The following GRIN2B variants were observed in gnomAD, a reference collection of about 807,000 sequenced individuals.
The protein encoded by GRIN2B is glutamate receptor ionotropic, NMDA 2B.
Under a neutral mutation model 114.5 loss-of-function variants are expected in GRIN2B, and 5 were observed. The observed-to-expected ratio is 0.04, with a 90% confidence interval of 0.02 to 0.09. The LOEUF is 0.09. Among genes scored for constraint, GRIN2B ranks in the 10% least tolerant of loss-of-function variants. The pLI, the probability that GRIN2B is intolerant of heterozygous loss-of-function variation, is 1.00. For missense variants in GRIN2B, 1,108 were observed against 1,943.5 expected, an observed-to-expected ratio of 0.57 and a Z score of 8.08; for synonymous variants, 787 against 745.1, an observed-to-expected ratio of 1.06 and a Z score of -0.92.
intron 10 of GRIN2B, among the ~76,000 whole-genome samples, chr12:13,602,858 A>G (rs760080237): frequency 6.6e-6 from 1 of 152,166 alleles, no homozygotes; most frequent in Non-Finnish European, 1.5e-5. Flanking sequence ...AAACTCCTCT[A>G]CTTCCTTGAG....
In GRIN2B at chr12:13,563,319, A is replaced by C; in HGVS notation, c.3919T>G (p.Phe1307Val). ...KLRRQHSYDT[F>V]VDLQKEEAAL... ...GCTTCTTCCTTCTGCAGGTCCACGA[A>C]GGTGTCGTAGGAGTGCTGCCGGCGC... The change falls in exon 14 of 14, where the codon TTC (phenylalanine) becomes GTC (valine). Residue 1307 changes from phenylalanine to valine, a missense_variant. By Grantham distance (50) the Phe-to-Val change is conservative. Around this residue, in one of 19 missense-constraint regions of GRIN2B, gnomAD observed 478 missense variants for 506.0 expected, o/e 0.94. Transcript: ENST00000609686. 1.2e-6 allele frequency: 2 copies of C among 1,614,132 alleles called. No homozygotes were observed. The highest frequency in any genetic ancestry group is 1.7e-6 in the Non-Finnish European group (2 of 1,180,014).
rs924740205 is a variant in GRIN2B, at chr12:13,552,670, A to T, written c.*10113T>A. ...ATTTGTTTCATCAGCTAAAAAAAAA[A>T]GTCTCATAGTATAATGAAATGGGTT... On this transcript the variant is annotated 3_prime_UTR_variant, in exon 14 of 14. Transcript: ENST00000609686. 1 of 152,108 alleles carries T rather than the reference A, an allele frequency of 6.6e-6. No homozygotes were observed. Among genetic ancestry groups the T allele is most frequent in the South Asian group, 2.1e-4 (1 of 4,828 alleles). 9.4% of individuals were successfully genotyped at this position (152,108 alleles called of 1,614,324 possible).
Position 13,714,470 on chromosome 12 carries a change from T to C in GRIN2B, c.1011-38611A>G, listed in dbSNP as rs1197197368. On this transcript the variant is annotated intron_variant, in intron 4 of 13. Coordinates refer to ENST00000609686, the MANE Select transcript of GRIN2B (RefSeq NM_000834.5). ...AAATACTGTATTTTTATGCTTATGA[T>C]TCAAACCTGACCCAGACTCCAAACT... Among the ~76,000 whole-genome samples, 2 of 151,908 alleles carry C rather than the reference T, an allele frequency of 1.3e-5. 1 individual carries two copies. The highest frequency in any genetic ancestry group is 2.9e-5 in the Non-Finnish European group (2 of 67,886).
At position 13,615,104 on chromosome 12, in the gene GRIN2B, C is replaced by T. The variant is rs201242368; in HGVS notation, c.1654+10G>A. On this transcript the variant is annotated intron_variant, in intron 8 of 13. Coordinates refer to ENST00000609686, the MANE Select transcript of GRIN2B (RefSeq NM_000834.5). The surrounding 1 kb of genome is among the most constrained non-coding windows in gnomAD (Gnocchi z 5.8). ...GTCCATTTCCTTCCACCAGCAAACC[C>T]ATCATTTACCTAAGAAGGCAGAAGG... is the stretch of plus-strand genomic sequence containing the variant. 1.7e-5 allele frequency: 28 copies of T among 1,609,306 alleles called. No homozygotes were observed. The highest frequency in any genetic ancestry group is 2.2e-5 in the Non-Finnish European group (26 of 1,175,746).
intron 2 of GRIN2B, among the ~76,000 whole-genome samples, chr12:13,910,192 G>A (rs1338817795): frequency 1.3e-5 from 2 of 152,148 alleles, no homozygotes; most frequent in Admixed American, 6.5e-5. Flanking sequence ...TATCCCTGGT[G>A]TGCTGAATGA....
intron 3 of GRIN2B, among the ~76,000 whole-genome samples, chr12:13,851,676 C>T (rs997931763): frequency 6.6e-6 from 1 of 152,302 alleles, no homozygotes; most frequent in East Asian, 1.9e-4. Flanking sequence ...ATAAATTCTA[C>T]CAAGCTCCTT....
intron 10 of GRIN2B, among the ~76,000 whole-genome samples, chr12:13,578,243 C>T (rs1186207111): frequency 6.6e-6 from 1 of 152,192 alleles, no homozygotes; most frequent in Non-Finnish European, 1.5e-5. Context: ...TCCATGTCCC[C>T]TCCCTACCTT....
At chr12:13,875,597 C>G (rs541344175) in intron 2 of GRIN2B, among the ~76,000 whole-genome samples, 41 of 152,074 alleles carry the variant, frequency 2.7e-4, no homozygotes, top group Non-Finnish European at 4.9e-4. Flanking sequence ...CCCCAACCCC[C>G]AAAACAATCT....
intron 3 of GRIN2B, among the ~76,000 whole-genome samples, chr12:13,836,430 A>C (rs1313737510): frequency 6.6e-6 from 1 of 152,208 alleles, no homozygotes; most frequent in African/African-American, 2.4e-5. Flanking sequence ...TGCCTAAATG[A>C]AGTTATGCCA....
At chr12:13,575,237 G>C (rs1224245311) in intron 10 of GRIN2B, among the ~76,000 whole-genome samples, 1 of 152,092 alleles carries the variant, frequency 6.6e-6, no homozygotes, top group Non-Finnish European at 1.5e-5. Flanking sequence ...GAAAGATGCA[G>C]TTAAAATCAT....
At position 13,555,364 on chromosome 12, in the gene GRIN2B, A is replaced by T. The variant is rs1467777274; in HGVS notation, c.*7419T>A. On this transcript the variant is annotated 3_prime_UTR_variant, in exon 14 of 14. Coordinates refer to ENST00000609686, the MANE Select transcript of GRIN2B (RefSeq NM_000834.5). ...GGTGTAGCCCATTGATGAAGCCATGAGCATAAGGTGAGGAAGTGGAGAAAG... is the reference window on the plus strand; with the variant it reads ...GGTGTAGCCCATTGATGAAGCCATGTGCATAAGGTGAGGAAGTGGAGAAAG... The T allele has an allele frequency of 6.6e-6, 1 of 152,174 alleles. No homozygotes were observed. The highest frequency in any genetic ancestry group is 2.4e-5 in the African/African-American group (1 of 41,438). The allele number at this position is 152,174 out of a possible 1,614,324, so 9.4% of individuals were successfully genotyped here. A position where few individuals can be genotyped will look rare whatever the true frequency, so the allele number is the denominator to read the frequency against.
At chr12:13,684,239 A>T (rs1396218340) in intron 4 of GRIN2B, among the ~76,000 whole-genome samples, 6 of 152,144 alleles carry the variant, frequency 3.9e-5, no homozygotes, top group Non-Finnish European at 7.4e-5. Context: ...TCTAGAATAA[A>T]TGATTCCTCA....
intron 3 of GRIN2B, among the ~76,000 whole-genome samples, chr12:13,773,187 C>T (rs1266904556): frequency 2.6e-5 from 4 of 152,174 alleles, no homozygotes; most frequent in East Asian, 1.9e-4. Flanking sequence ...AAAGGAACTG[C>T]GAGTCTTTAT....
chr12:13,851,637 TC>T, intron 3 of GRIN2B, among the ~76,000 whole-genome samples: 1 of 152,184 alleles, frequency 6.6e-6, no homozygotes, highest in East Asian at 1.9e-4. Context: ...GATTTCAAAG[TC>T]AACCACTACC....
At chr12:13,666,070 G>A (rs1182957562) in intron 5 of GRIN2B, among the ~76,000 whole-genome samples, 1 of 152,122 alleles carries the variant, frequency 6.6e-6, no homozygotes, top group African/African-American at 2.4e-5. Flanking sequence ...ACATGGAAAG[G>A]CATCCACCAG....
chr12:13,617,347 T>C (rs1949458198), intron 5 of GRIN2B, among the ~76,000 whole-genome samples: 1 of 152,228 alleles, frequency 6.6e-6, no homozygotes, highest in South Asian at 2.1e-4. Context: ...GAATCAGATA[T>C]GTCTCTCTGT....
At chr12:13,623,350 T>G (rs549442513) in intron 5 of GRIN2B, among the ~76,000 whole-genome samples, 1 of 152,330 alleles carries the variant, frequency 6.6e-6, no homozygotes, top group East Asian at 1.9e-4. Flanking sequence ...AGGATATGTA[T>G]GTTTTTAAAT....
chr12:13,547,981 A>ATATATATTTTTTTTTTT lies in GRIN2B; in HGVS notation c.*14801_*14802insAAAAAAAAAAATATATA. The stretch of plus-strand genomic sequence containing the variant: ...TGTGTATATATATATATATATATAT[A>ATATATATTTTTTTTTTT]TTTTTTTTTTTTTTCTGAAAGCTAC... On this transcript the variant is annotated 3_prime_UTR_variant, in exon 14 of 14. Transcript: ENST00000609686. 1.5e-5 allele frequency: 1 copy of ATATATATTTTTTTTTTT among 68,578 alleles called. No homozygotes were observed. Among genetic ancestry groups the ATATATATTTTTTTTTTT allele is most frequent in the Non-Finnish European group, 2.9e-5 (1 of 34,410 alleles). The allele number at this position is 68,578 out of a possible 1,614,324, so 4.2% of individuals were successfully genotyped here.
Position 13,945,291 on chromosome 12 carries a change from T to G in GRIN2B, c.-19+34637A>C, listed in dbSNP as rs576963614. 2.0e-5 allele frequency among the ~76,000 whole-genome samples: 3 copies of G among 152,174 alleles called. No homozygotes were observed. In the South Asian group the frequency reaches 6.2e-4, roughly 32 times the overall value. ...ATCATTGTTATGACATTAGAAAGAG[T>G]GAGAAGTGGCAGGGTGGTAAGCATT... is the stretch of plus-strand genomic sequence containing the variant. On this transcript the variant is annotated intron_variant, in intron 2 of 13. Transcript: ENST00000609686.
Sources: allele counts gnomAD v4.1 joint callset (sites outside exome capture counted in the v4.1 genomes callset), GRCh38; gene constraint gnomAD v4.1.1; regional missense constraint gnomAD v4.1.1; non-coding constraint Gnocchi (gnomAD v3.1); transcripts MANE v1.5; gene names NCBI Gene and HGNC (gene_info 2026-07-23, HGNC 2026-07-21).